Variants in CRTC3 observed in about 807,000 individuals in gnomAD.
The protein encoded by CRTC3 is CREB regulated transcription coactivator 3, also known as CREB-regulated transcription coactivator 3.
CRTC3 carries 26 observed loss-of-function variants against 74.5 expected under a neutral mutation model. The observed-to-expected ratio is 0.35, with a 90% CI of 0.26 to 0.48. The LOEUF (loss-of-function observed/expected upper bound fraction) is 0.48. CRTC3 is among the 20% of genes least tolerant of loss of function. The probability of loss-of-function intolerance (pLI) is 0.99; values close to 1 mark genes in which losing one functional copy is unlikely to be tolerated. For synonymous variants in CRTC3, 377 were observed against 325.8 expected (o/e 1.16, Z -1.69); for missense variants, 760 against 787.3 (o/e 0.97, Z 0.41).
intron 3 of CRTC3, chr15:90,598,437 T>C (rs1238547594): frequency 8.5e-6 from 6 of 703,004 alleles, no homozygotes; most frequent in Middle Eastern, 4.6e-4. Context: ...CTGTTCCCTC[T>C]AACACTCCAC....
intron 5 of CRTC3, among the ~76,000 whole-genome samples, chr15:90,606,305 T>TAAAA (rs1271900242): frequency 6.6e-6 from 1 of 151,826 alleles, no homozygotes; most frequent in Non-Finnish European, 1.5e-5. Context: ...CTCATGCCTG[T>TAAAA]AATCCCAGCA....
intron 7 of CRTC3, 114 bp downstream of exon 7, chr15:90,614,602 C>A: frequency 1.4e-6 from 1 of 717,188 alleles, no homozygotes; most frequent in Non-Finnish European, 2.4e-6. Context: ...CAAATGCTGA[C>A]AACTGCTGAT....
intron 2 of CRTC3, among the ~76,000 whole-genome samples, chr15:90,577,452 A>G (rs1967433620): frequency 2.0e-5 from 3 of 152,330 alleles, no homozygotes; most frequent in South Asian, 2.1e-4. Context: ...TTGCTTGGCT[A>G]TTTTGAGAAG....
At chr15:90,614,523 G>C (rs770029206) in intron 7 of CRTC3, 35 bp downstream of exon 7, 1 of 1,449,356 alleles carries the variant, frequency 6.9e-7, no homozygotes, top group Admixed American at 1.7e-5. Context: ...TATTGGAGTG[G>C]GATGCTGATT....
At position 90,599,941 on chromosome 15, in the gene CRTC3, G is replaced by A. The variant is rs537648707; in HGVS notation, c.352-2383G>A. Among the ~76,000 whole-genome samples, 14 of 152,228 alleles carry A rather than the reference G, an allele frequency of 9.2e-5. No homozygotes were observed. In the South Asian group the frequency reaches 2.5e-3, roughly 27 times the overall value. On this transcript the variant is annotated intron_variant, in intron 3 of 14. Transcript: ENST00000268184. Reference sequence around the variant, plus strand: ...GCAGAAAAGAGAAAGGCAGATAACCGTAGGTTCTGAGGCTCGGTGTTTCCT... The same window carrying A: ...GCAGAAAAGAGAAAGGCAGATAACCATAGGTTCTGAGGCTCGGTGTTTCCT...
chr15:90,568,797 C>T (rs2151068790), intron 2 of CRTC3, among the ~76,000 whole-genome samples: 1 of 152,316 alleles, frequency 6.6e-6, no homozygotes, highest in South Asian at 2.1e-4. Flanking sequence ...GCAACCACCA[C>T]TGATCAATCA....
chr15:90,538,714 A>C (rs1011861463), intron 1 of CRTC3, among the ~76,000 whole-genome samples: 3 of 151,988 alleles, frequency 2.0e-5, no homozygotes, highest in African/African-American at 7.2e-5. Flanking sequence ...TAAATGTAAA[A>C]AGGAAATTAT....
In CRTC3 at chr15:90,530,816, A is replaced by G. The variant is rs1038774026; in HGVS notation, c.132+613A>G. The G allele has an allele frequency of 1.3e-5, 2 of 152,352 alleles. No individual in the cohort carries two copies. The highest frequency in any genetic ancestry group is 6.6e-5 in the Admixed American group (1 of 15,266). 9.4% of individuals were successfully genotyped at this position (152,352 alleles called of 1,614,324 possible). The stretch of plus-strand genomic sequence containing the variant: ...TCCAGTTTACTTTGTTCGGCCCGGG[A>G]TATTTAGTGAGAACTGACAAGCGTC... On this transcript the variant is annotated intron_variant, in intron 1 of 14. Coordinates refer to ENST00000268184, the MANE Select transcript of CRTC3 (RefSeq NM_022769.5). The surrounding 1 kb of genome is among the most constrained non-coding windows in gnomAD (Gnocchi z 6.2).
At chr15:90,593,505 C>T in intron 2 of CRTC3, 131 bp from the exon 3 acceptor site, 1 of 955,364 alleles carries the variant, frequency 1.0e-6, no homozygotes, top group Non-Finnish European at 1.6e-6. Context: ...TACCTTGACC[C>T]AAGGCCCACT....
intron 2 of CRTC3, among the ~76,000 whole-genome samples, chr15:90,555,559 C>T (rs1457173291): frequency 6.6e-6 from 1 of 151,750 alleles, no homozygotes; most frequent in Non-Finnish European, 1.5e-5. Flanking sequence ...GCTCTGTCAC[C>T]CAGGCTGGAG....
chr15:90,613,185 G>GAA (rs34111646), intron 6 of CRTC3, among the ~76,000 whole-genome samples: 230 of 114,150 alleles, frequency 2.0e-3, no homozygotes, highest in Non-Finnish European at 3.3e-3. Flanking sequence ...TCTGTCTCGG[G>GAA]AAAAAAAAAA....
chr15:90,615,446 G>C lies in CRTC3; in HGVS notation c.613+958G>C, dbSNP rs187442083. Among the ~76,000 whole-genome samples the C allele has an allele frequency of 8.9e-3, 1,353 of 152,344 alleles. 16 individuals are homozygous for C. The highest frequency in any genetic ancestry group is 0.015 in the Non-Finnish European group (1,000 of 68,028). On this transcript the variant is annotated intron_variant, in intron 7 of 14. Transcript: ENST00000268184. The stretch of plus-strand genomic sequence containing the variant: ...AGAGGTGAGACCCTAGGGGGGACAT[G>C]ATGAATGAGGAGCATCTTGCAAGAC...
intron 6 of CRTC3, among the ~76,000 whole-genome samples, chr15:90,608,185 G>A (rs1968274823): frequency 6.6e-6 from 1 of 152,140 alleles, no homozygotes; most frequent in Non-Finnish European, 1.5e-5. Context: ...AACCCGGAGT[G>A]GGGAAGAGGC....
Position 90,645,040 on chromosome 15 carries a change from C to G in CRTC3, c.*2900C>G. The G allele has an allele frequency of 4.3e-6, 1 of 231,828 alleles. No homozygotes were observed. Among genetic ancestry groups the G allele is most frequent in the Middle Eastern group, 1.3e-3 (1 of 770 alleles). 14.4% of individuals were successfully genotyped at this position (231,828 alleles called of 1,614,324 possible). A position where few individuals can be genotyped will look rare whatever the true frequency, so the allele number is the denominator to read the frequency against. The stretch of plus-strand genomic sequence containing the variant: ...TTCTCCTGTTTCATTTCTCCTCCGC[C>G]TGCTGTATATTACCTGAGCTGGTGT... On this transcript the variant is annotated 3_prime_UTR_variant, in exon 15 of 15. Transcript: ENST00000268184.
intron 11 of CRTC3, among the ~76,000 whole-genome samples, chr15:90,635,640 G>C (rs1418934117): frequency 3.3e-5 from 5 of 151,930 alleles, no homozygotes; most frequent in Non-Finnish European, 5.9e-5. Flanking sequence ...GCAAGACTCT[G>C]TCTCCAGAAA....
At chr15:90,635,726 G>A (rs1022128666) in intron 11 of CRTC3, among the ~76,000 whole-genome samples, 3 of 152,026 alleles carry the variant, frequency 2.0e-5, no homozygotes, top group East Asian at 1.9e-4. Flanking sequence ...TTCCAATGTC[G>A]CACCTCGGCA....
chr15:90,603,536 A>G (rs1210126753), intron 4 of CRTC3, among the ~76,000 whole-genome samples: 1 of 152,194 alleles, frequency 6.6e-6, no homozygotes, highest in Non-Finnish European at 1.5e-5. Flanking sequence ...TAATTTGCAC[A>G]GTGTATTTGA....
intron 2 of CRTC3, among the ~76,000 whole-genome samples, chr15:90,564,357 C>T (rs1381857127): frequency 6.6e-6 from 1 of 152,192 alleles, no homozygotes; most frequent in African/African-American, 2.4e-5. Flanking sequence ...AACCCTATGA[C>T]ATCATTAGGG....
At chr15:90,640,885 C>T (rs1423404086) in intron 13 of CRTC3, among the ~76,000 whole-genome samples, 1 of 152,082 alleles carries the variant, frequency 6.6e-6, no homozygotes, top group East Asian at 1.9e-4. Flanking sequence ...CGCTGTGGAC[C>T]TCAGGGACCC....
Sources: allele counts gnomAD v4.1 joint callset (sites outside exome capture counted in the v4.1 genomes callset), GRCh38; gene constraint gnomAD v4.1.1; non-coding constraint Gnocchi (gnomAD v3.1); transcripts MANE v1.5; gene names NCBI Gene and HGNC (gene_info 2026-07-23, HGNC 2026-07-21).